The following SHC3 variants were observed in gnomAD, a reference collection of about 807,000 sequenced individuals.
SHC3 encodes the protein SHC adaptor protein 3.
A neutral mutation model predicts 60.4 loss-of-function variants in SHC3; 15 were observed. The observed-to-expected ratio is 0.25, with a 90% CI of 0.17 to 0.38. The LOEUF (loss-of-function observed/expected upper bound fraction) is 0.38. Ranked by LOEUF, SHC3 falls within the 10% of genes least tolerant of loss-of-function variation. SHC3 has a pLI of 1.00. For missense variants in SHC3, 677 were observed against 786.1 expected (o/e 0.86, Z 1.66); for synonymous variants, 294 against 325.9 (o/e 0.90, Z 1.05).
intron 2 of SHC3, chr9:89,108,969 C>T (rs773534890): frequency 1.3e-6 from 1 of 747,202 alleles, no homozygotes; most frequent in African/African-American, 1.9e-5. Flanking sequence ...CATCATTTAA[C>T]TGGGCAGTTG....
intron 5 of SHC3, 102 bp from the exon 6 acceptor site, chr9:89,065,682 A>C: frequency 8.8e-7 from 1 of 1,136,240 alleles, no homozygotes; most frequent in Non-Finnish European, 1.3e-6. Flanking sequence ...GGACTCAACC[A>C]CCAAACAGCT....
chr9:89,116,653 C>A (rs1486382607), intron 1 of SHC3, among the ~76,000 whole-genome samples: 1 of 152,144 alleles, frequency 6.6e-6, no homozygotes, highest in Non-Finnish European at 1.5e-5. Flanking sequence ...TATGACCTCC[C>A]ATGTCACAGC....
chr9:89,107,637 T>C (rs1246185753), intron 2 of SHC3, among the ~76,000 whole-genome samples: 1 of 152,174 alleles, frequency 6.6e-6, no homozygotes, highest in Non-Finnish European at 1.5e-5. Context: ...CCATGAAACA[T>C]GTTTAGAATA....
At chr9:89,015,686 A>G (rs375399956) in intron 11 of SHC3, among the ~76,000 whole-genome samples, 4 of 152,250 alleles carry the variant, frequency 2.6e-5, no homozygotes, top group African/African-American at 9.6e-5. Context: ...CCCGTTATGC[A>G]CTAGAAATTC....
At position 89,008,171 on chromosome 9, in the gene SHC3, C is replaced by G. The variant is rs369506920; in HGVS notation, c.*5276G>C. ...AAACTGTGCATTTGTTGCTTGCAAA[C>G]TTATAAATATGTATAAACCCCATTA... is the stretch of plus-strand genomic sequence containing the variant. On this transcript the variant is annotated 3_prime_UTR_variant, in exon 12 of 12. Transcript: ENST00000375835. 2 of 152,218 alleles carry G rather than the reference C, an allele frequency of 1.3e-5. No individual in the cohort carries two copies. The highest frequency in any genetic ancestry group is 4.8e-5 in the African/African-American group (2 of 41,458). 9.4% of individuals were successfully genotyped at this position (152,218 alleles called of 1,614,324 possible). A position where few individuals can be genotyped will look rare whatever the true frequency, so the allele number is the denominator to read the frequency against.
intron 5 of SHC3, among the ~76,000 whole-genome samples, chr9:89,066,632 T>TG (rs202085413): frequency 6.6e-6 from 1 of 152,168 alleles, no homozygotes; most frequent in Non-Finnish European, 1.5e-5. Context: ...CATTCAAGAC[T>TG]CTGTGGGGCA....
At chr9:89,147,630 G>A (rs903199395) in intron 1 of SHC3, among the ~76,000 whole-genome samples, 8 of 151,870 alleles carry the variant, frequency 5.3e-5, no homozygotes, top group African/African-American at 9.7e-5. Context: ...GAAATAGAAC[G>A]CTCTGTGTCC....
At chr9:89,137,940 A>C (rs562476983) in intron 1 of SHC3, among the ~76,000 whole-genome samples, 1 of 152,362 alleles carries the variant, frequency 6.6e-6, no homozygotes, top group South Asian at 2.1e-4. Context: ...CAGAGTCTTC[A>C]CAAAGACTTT....
intron 5 of SHC3, among the ~76,000 whole-genome samples, chr9:89,070,708 C>A (rs1411023459): frequency 6.6e-6 from 1 of 152,176 alleles, no homozygotes; most frequent in African/African-American, 2.4e-5. Flanking sequence ...CTCTGCAACT[C>A]CCTCCTTGTT....
intron 11 of SHC3, among the ~76,000 whole-genome samples, chr9:89,021,161 C>T (rs1480632478): frequency 6.6e-6 from 1 of 152,202 alleles, no homozygotes; most frequent in African/African-American, 2.4e-5. Flanking sequence ...ATGGAAAGTA[C>T]ACTCGTGTTA....
At position 89,045,333 on chromosome 9, in the gene SHC3, C is replaced by T. The variant is rs192669668; in HGVS notation, c.1201+413G>A. Among the ~76,000 whole-genome samples, 37 of 142,400 alleles carry T rather than the reference C, an allele frequency of 2.6e-4. No individual in the cohort carries two copies. In the East Asian group the frequency reaches 3.7e-3, roughly 14 times the overall value. 93.4% of individuals were successfully genotyped at this position (142,400 alleles called of 152,430 possible). On this transcript the variant is annotated intron_variant, in intron 9 of 11. Transcript: ENST00000375835. Reference sequence around the variant, plus strand: ...TTTGCTGTTGTTGCCCAGGCTGGAGCGCAATGGCATCATCTTGGCTCACTG... The same window carrying T: ...TTTGCTGTTGTTGCCCAGGCTGGAGTGCAATGGCATCATCTTGGCTCACTG...
At chr9:89,116,192 C>A (rs1430890903) in intron 1 of SHC3, among the ~76,000 whole-genome samples, 1 of 152,144 alleles carries the variant, frequency 6.6e-6, no homozygotes, top group African/African-American at 2.4e-5. Context: ...GTAAATACCA[C>A]AACCATGAGT....
intron 2 of SHC3, among the ~76,000 whole-genome samples, chr9:89,081,685 C>T (rs1231772402): frequency 6.6e-6 from 1 of 152,188 alleles, no homozygotes; most frequent in Non-Finnish European, 1.5e-5. Flanking sequence ...AGCCATGAAT[C>T]TAATCCACTC....
rs1826019672 is a variant in SHC3, at chr9:89,012,048, T to C, written c.*1399A>G. The C allele has an allele frequency of 6.6e-6, 1 of 152,244 alleles. No individual in the cohort carries two copies. Among genetic ancestry groups the C allele is most frequent in the African/African-American group, 2.4e-5 (1 of 41,460 alleles). 9.4% of individuals were successfully genotyped at this position (152,244 alleles called of 1,614,324 possible). On this transcript the variant is annotated 3_prime_UTR_variant, in exon 12 of 12. Transcript: ENST00000375835. Reference sequence around the variant, plus strand: ...AACTCTAAGCGTGTTTAGTGTGTCTTTCTGTTCTGCTGACCCATACCCTAC... The same window carrying C: ...AACTCTAAGCGTGTTTAGTGTGTCTCTCTGTTCTGCTGACCCATACCCTAC...
chr9:89,028,980 G>T, intron 11 of SHC3, among the ~76,000 whole-genome samples: 1 of 147,710 alleles, frequency 6.8e-6, no homozygotes, highest in East Asian at 2.0e-4. Context: ...TATATATATA[G>T]ATATAGATAT....
chr9:89,076,091 T>A (rs1825353891), intron 3 of SHC3, among the ~76,000 whole-genome samples: 1 of 152,118 alleles, frequency 6.6e-6, no homozygotes, highest in South Asian at 2.1e-4. Flanking sequence ...AGATTCTGGG[T>A]GGAGCCAAGA....
intron 2 of SHC3, among the ~76,000 whole-genome samples, chr9:89,106,959 G>C (rs1825868923): frequency 6.6e-6 from 1 of 152,098 alleles, no homozygotes; most frequent in South Asian, 2.1e-4. Flanking sequence ...CCTGTTTCAG[G>C]GCTCTGCTGG....
At position 89,013,384 on chromosome 9, in the gene SHC3, G is replaced by A. The variant is rs971683918; in HGVS notation, c.*63C>T. On this transcript the variant is annotated 3_prime_UTR_variant, in exon 12 of 12. Transcript: ENST00000375835. ...CAGCTGTCCCAGTTCCAGCAGCCCCGATTCTAGTCCACTCCAGGTCCTCCT... is the reference window on the plus strand; with the variant it reads ...CAGCTGTCCCAGTTCCAGCAGCCCCAATTCTAGTCCACTCCAGGTCCTCCT... The A allele has an allele frequency of 3.6e-6, 5 of 1,406,838 alleles. No homozygotes were observed. The highest frequency in any genetic ancestry group is 3.8e-5 in the South Asian group (2 of 52,476). The allele number at this position is 1,406,838 out of a possible 1,614,324, so 87.1% of individuals were successfully genotyped here.
chr9:89,042,476 C>T (rs976925510), intron 9 of SHC3, among the ~76,000 whole-genome samples: 2 of 152,214 alleles, frequency 1.3e-5, no homozygotes, highest in African/African-American at 4.8e-5. Context: ...GCCCCAAGAC[C>T]GCAGGAGCCT....
Sources: gnomAD v4.1 joint callset for allele counts (sites outside exome capture counted in the v4.1 genomes callset) on GRCh38, gnomAD v4.1.1 for gene constraint, MANE v1.5 for transcripts, NCBI Gene and HGNC (gene_info 2026-07-23, HGNC 2026-07-21) for gene names.